KIRREL3: variants seen among roughly 807,000 people sequenced by gnomAD.
KIRREL3 encodes the protein kirre like nephrin family adhesion molecule 3.
KIRREL3 carries 36 observed loss-of-function variants against 89.7 expected under a neutral mutation model. The ratio of observed to expected loss-of-function variants is 0.40; its 90% CI spans 0.31 to 0.53. The LOEUF (loss-of-function observed/expected upper bound fraction) is 0.53, where lower values mean the gene tolerates loss of function less well. KIRREL3 is among the 20% of genes least tolerant of loss of function. KIRREL3 has a pLI of 0.49. For synonymous variants in KIRREL3, 445 were observed against 441.4 expected, an observed-to-expected ratio of 1.01 and a Z score of -0.10; for missense variants, 864 against 1,056.6, an observed-to-expected ratio of 0.82 and a Z score of 2.53.
chr11:126,647,946 C>T lies in KIRREL3; in HGVS notation c.56-85034G>A, dbSNP rs1944756223. 6.6e-6 allele frequency among the ~76,000 whole-genome samples: 1 copy of T among 152,162 alleles called. No individual in the cohort carries two copies. Among genetic ancestry groups the T allele is most frequent in the Non-Finnish European group, 1.5e-5 (1 of 68,036 alleles). On this transcript the variant is annotated intron_variant, in intron 1 of 16. Coordinates refer to ENST00000525144, the MANE Select transcript of KIRREL3 (RefSeq NM_032531.4). This position sits in a 1 kb window ranked among gnomAD's most constrained non-coding sequence, Gnocchi z 4.9. Reference sequence around the variant, plus strand: ...TCACTCTTCCTTTTGCTTGCTTATACAGTTTGGATTTGTGTCCCCACCCAA... The same window carrying T: ...TCACTCTTCCTTTTGCTTGCTTATATAGTTTGGATTTGTGTCCCCACCCAA...
intron 1 of KIRREL3, among the ~76,000 whole-genome samples, chr11:126,826,575 G>A (rs1055709950): frequency 8.5e-5 from 13 of 152,092 alleles, no homozygotes; most frequent in African/African-American, 2.4e-4. Context: ...CACGTTCTGC[G>A]TGGAAGTTAT....
At chr11:126,451,674 A>G (rs1275430571) in intron 7 of KIRREL3, among the ~76,000 whole-genome samples, 1 of 146,914 alleles carries the variant, frequency 6.8e-6, no homozygotes, top group Non-Finnish European at 1.5e-5. Flanking sequence ...GAGTGTGTGC[A>G]TATGTGCGTG....
chr11:126,487,235 G>C (rs759921799), intron 4 of KIRREL3, among the ~76,000 whole-genome samples: 8 of 152,200 alleles, frequency 5.3e-5, no homozygotes, highest in East Asian at 1.9e-4. Context: ...GGGCAGGCAG[G>C]AGGAGGGAAT....
chr11:126,673,664 C>T (rs117780024), intron 1 of KIRREL3, among the ~76,000 whole-genome samples: 2,373 of 152,318 alleles, frequency 0.016, 31 homozygotes, highest in Admixed American at 0.017. Context: ...ACACGTGTGC[C>T]TTCCATGGGA....
At chr11:126,659,891 C>A (rs1281888563) in intron 1 of KIRREL3, among the ~76,000 whole-genome samples, 2 of 152,172 alleles carry the variant, frequency 1.3e-5, no homozygotes, top group African/African-American at 2.4e-5. Context: ...CCTTTAAAGG[C>A]AACTCGAAAA....
intron 1 of KIRREL3, among the ~76,000 whole-genome samples, chr11:126,735,765 T>C (rs1948780212): frequency 1.3e-5 from 2 of 152,250 alleles, no homozygotes; most frequent in Non-Finnish European, 2.9e-5. Context: ...TAAACTCATT[T>C]TGAGTGAACA....
At chr11:126,449,286 G>A (rs749247140) in intron 7 of KIRREL3, 129 bp from the exon 8 acceptor site, 17 of 981,878 alleles carry the variant, frequency 1.7e-5, no homozygotes, top group African/African-American at 9.7e-5. Flanking sequence ...TCTGGGGTCC[G>A]TCAAGGGGAA....
Position 126,605,927 on chromosome 11 carries a change from G to T in KIRREL3, c.56-43015C>A, listed in dbSNP as rs1343873363. Among the ~76,000 whole-genome samples, 1 of 152,202 alleles carries T rather than the reference G, an allele frequency of 6.6e-6. No individual in the cohort carries two copies. The highest frequency in any genetic ancestry group is 1.5e-5 in the Non-Finnish European group (1 of 68,040). ...TGGAGGTTCCTCCTGTTCATTCTCT[G>T]CCTCAGGGAAGTGACACACAGAATG... On this transcript the variant is annotated intron_variant, in intron 1 of 16. Coordinates refer to ENST00000525144, the MANE Select transcript of KIRREL3 (RefSeq NM_032531.4). The surrounding 1 kb of genome is among the most constrained non-coding windows in gnomAD (Gnocchi z 5.7).
rs1045201542 is a variant in KIRREL3, at chr11:126,766,655, C to T, written c.56-203743G>A. The stretch of plus-strand genomic sequence containing the variant: ...TTTCCTCAAATGGGGAGTGTACACA[C>T]GGAAGTTCTTTTCTGGGGCTTTGAT... On this transcript the variant is annotated intron_variant, in intron 1 of 16. Transcript: ENST00000525144. This position sits in a 1 kb window ranked among gnomAD's most constrained non-coding sequence, Gnocchi z 4.2. Among the ~76,000 whole-genome samples, 6 of 152,002 alleles carry T rather than the reference C, an allele frequency of 3.9e-5. No homozygotes were observed. Among genetic ancestry groups the T allele is most frequent in the South Asian group, 2.1e-4 (1 of 4,816 alleles).
chr11:126,507,031 G>T (rs1312025392), intron 4 of KIRREL3, among the ~76,000 whole-genome samples: 2 of 152,178 alleles, frequency 1.3e-5, no homozygotes, highest in Non-Finnish European at 2.9e-5. Flanking sequence ...ATACTATTCA[G>T]CAATAAAAAG....
intron 6 of KIRREL3, among the ~76,000 whole-genome samples, chr11:126,457,891 A>C (rs1201656500): frequency 6.6e-6 from 1 of 152,170 alleles, no homozygotes; most frequent in Non-Finnish European, 1.5e-5. Flanking sequence ...AGGGGGCTGC[A>C]GCAGAGAGAC....
intron 10 of KIRREL3, among the ~76,000 whole-genome samples, 166 bp downstream of exon 10, chr11:126,444,813 C>A (rs1473293606): frequency 2.6e-5 from 4 of 152,222 alleles, no homozygotes; most frequent in Non-Finnish European, 5.9e-5. Flanking sequence ...CAGCCTGGGT[C>A]TGACGGGGAA....
Position 126,778,054 on chromosome 11 carries a change from A to G in KIRREL3, c.56-215142T>C, listed in dbSNP as rs1382873050. Among the ~76,000 whole-genome samples, 1 of 151,954 alleles carries G rather than the reference A, an allele frequency of 6.6e-6. No individual in the cohort carries two copies. The highest frequency in any genetic ancestry group is 1.5e-5 in the Non-Finnish European group (1 of 67,976). Reference sequence around the variant, plus strand: ...ATACATGCTCATTGTAGAAAAAAAAAAAAAAAGAAAAACTATAGACAATCC... The same window carrying G: ...ATACATGCTCATTGTAGAAAAAAAAGAAAAAAGAAAAACTATAGACAATCC... On this transcript the variant is annotated intron_variant, in intron 1 of 16. Transcript: ENST00000525144. The surrounding 1 kb of genome is among the most constrained non-coding windows in gnomAD (Gnocchi z 4.5).
At position 126,594,200 on chromosome 11, in the gene KIRREL3, A is replaced by C. The variant is rs1485172693; in HGVS notation, c.56-31288T>G. The stretch of plus-strand genomic sequence containing the variant: ...CATCTACCTGGAGAAGAAGGCAGGC[A>C]GAAGAGGAAGGGAGGGAAGGATGGA... On this transcript the variant is annotated intron_variant, in intron 1 of 16. Coordinates refer to ENST00000525144, the MANE Select transcript of KIRREL3 (RefSeq NM_032531.4). This position sits in a 1 kb window ranked among gnomAD's most constrained non-coding sequence, Gnocchi z 5.0. Among the ~76,000 whole-genome samples the C allele has an allele frequency of 6.6e-6, 1 of 152,148 alleles. No individual in the cohort carries two copies.
In KIRREL3 at chr11:126,704,944, G is replaced by A. The variant is rs1947468260; in HGVS notation, c.56-142032C>T. ...ATGTCTGGCCACCTTGCTAAAAACT[G>A]TCAGCCAGCTCTAGGCAGCTCCAGA... On this transcript the variant is annotated intron_variant, in intron 1 of 16. Transcript: ENST00000525144. This position sits in a 1 kb window ranked among gnomAD's most constrained non-coding sequence, Gnocchi z 4.2. 6.6e-6 allele frequency among the ~76,000 whole-genome samples: 1 copy of A among 152,200 alleles called. No homozygotes were observed. The highest frequency in any genetic ancestry group is 1.5e-5 in the Non-Finnish European group (1 of 68,038).
Position 126,474,732 on chromosome 11 carries a change from G to C in KIRREL3, c.434-1266C>G, listed in dbSNP as rs1221094684. On this transcript the variant is annotated intron_variant, in intron 4 of 16. Transcript: ENST00000525144. This position sits in a 1 kb window ranked among gnomAD's most constrained non-coding sequence, Gnocchi z 6.7. The stretch of plus-strand genomic sequence containing the variant: ...TCCGCAGTGCCCAGCACAGAGCCCT[G>C]TGCTGGGGAAACTCCACTGACATTT... 6.6e-6 allele frequency among the ~76,000 whole-genome samples: 1 copy of C among 152,224 alleles called. No individual in the cohort carries two copies. Among genetic ancestry groups the C allele is most frequent in the African/African-American group, 2.4e-5 (1 of 41,462 alleles).
Position 126,541,541 on chromosome 11 carries a change from C to T in KIRREL3, c.134-14854G>A, listed in dbSNP as rs77276703. On this transcript the variant is annotated intron_variant, in intron 2 of 16. Transcript: ENST00000525144. This position sits in a 1 kb window ranked among gnomAD's most constrained non-coding sequence, Gnocchi z 4.8. Reference sequence around the variant, plus strand: ...AAAGTAAACAAAATAATCATTTATGCTGCTATAGCCTTGTCAGTCAGAGAC... The same window carrying T: ...AAAGTAAACAAAATAATCATTTATGTTGCTATAGCCTTGTCAGTCAGAGAC... Among the ~76,000 whole-genome samples the T allele has an allele frequency of 8.9e-4, 136 of 152,304 alleles. 1 individual carries two copies. The highest frequency in any genetic ancestry group is 3.1e-3 in the African/African-American group (129 of 41,570).
intron 4 of KIRREL3, among the ~76,000 whole-genome samples, chr11:126,506,061 G>T (rs150065326): frequency 1.3e-5 from 2 of 152,286 alleles, no homozygotes; most frequent in East Asian, 3.9e-4. Flanking sequence ...GGAACAATTG[G>T]ATATCTGTAT....
rs1249241362 is a variant in KIRREL3 at position 126,923,198 on chromosome 11, C to CTT, written c.55+77255_55+77256dup. The stretch of plus-strand genomic sequence containing the variant: ...CTTCTCTTCTTCTTCTCTTCTTCTT[C>CTT]TTCTTCTTCTTCTTCTTCTTCTTCT... On this transcript the variant is annotated intron_variant, in intron 1 of 16. Transcript: ENST00000525144. Among the ~76,000 whole-genome samples the CTT allele has an allele frequency of 2.6e-3, 19 of 7,260 alleles. 5 individuals carry two copies. Among genetic ancestry groups the CTT allele is most frequent in the East Asian group, 5.8e-3 (3 of 520 alleles). 4.8% of individuals were successfully genotyped at this position (7,260 alleles called of 152,430 possible).
Sources: gnomAD v4.1 joint callset for allele counts (sites outside exome capture counted in the v4.1 genomes callset) on GRCh38, gnomAD v4.1.1 for gene constraint, Gnocchi (gnomAD v3.1) non-coding constraint, MANE v1.5 for transcripts, NCBI Gene and HGNC (gene_info 2026-07-23, HGNC 2026-07-21) for gene names.